PIAS1: variants seen among roughly 807,000 people sequenced by gnomAD.
The protein encoded by PIAS1 is E3 SUMO-protein ligase PIAS1.
A neutral mutation model predicts 71.3 loss-of-function variants in PIAS1; 6 were observed. That is an observed-to-expected ratio of 0.08 (90% CI 0.05 to 0.17). The LOEUF (loss-of-function observed/expected upper bound fraction) is 0.17. Ranked by LOEUF, PIAS1 falls within the 10% of genes least tolerant of loss-of-function variation. PIAS1 has a pLI of 1.00. For missense variants in PIAS1, 555 were observed against 793.6 expected, an observed-to-expected ratio of 0.70 and a Z score of 3.61; for synonymous variants, 303 against 292.9, an observed-to-expected ratio of 1.03 and a Z score of -0.35.
At chr15:68,103,281 T>TG (rs1263417759) in intron 2 of PIAS1, among the ~76,000 whole-genome samples, 3 of 151,918 alleles carry the variant, frequency 2.0e-5, no homozygotes, top group African/African-American at 7.3e-5. Context: ...ATATTTTTTT[T>TG]TCTGTGTTTA....
chr15:68,070,736 T>TTCAAC (rs1442857241), intron 1 of PIAS1, among the ~76,000 whole-genome samples: 1 of 151,578 alleles, frequency 6.6e-6, no homozygotes, highest in Non-Finnish European at 1.5e-5. Flanking sequence ...GAAATAATAT[T>TTCAAC]TTGTTTATTG....
chr15:68,113,072 C>CT (rs1296359763), intron 2 of PIAS1, among the ~76,000 whole-genome samples: 2 of 152,040 alleles, frequency 1.3e-5, no homozygotes, highest in Non-Finnish European at 2.9e-5. Context: ...TTATTTTAAA[C>CT]TTTTTTCACA....
At chr15:68,065,805 A>T (rs2140958795) in intron 1 of PIAS1, among the ~76,000 whole-genome samples, 1 of 126,514 alleles carries the variant, frequency 7.9e-6, no homozygotes, top group East Asian at 2.3e-4. Context: ...CAGTGGTATG[A>T]TCATGGCTCA....
chr15:68,164,616 T>C, intron 7 of PIAS1, 115 bp from the exon 8 acceptor site: 1 of 520,342 alleles, frequency 1.9e-6, no homozygotes. Flanking sequence ...TTCAATTGAT[T>C]GGGAAATAAT....
chr15:68,177,278 C>CAAAA lies in PIAS1; in HGVS notation c.1481+640_1481+643dup, dbSNP rs3083984. ...TGGGCAACAGAGCGAGACTTTGTCTCAAAAAAAAAAAAAAAAAAAGAAAGA... is the reference window on the plus strand; with the variant it reads ...TGGGCAACAGAGCGAGACTTTGTCTCAAAAAAAAAAAAAAAAAAAAAAAGAAAGA... On this transcript the variant is annotated intron_variant, in intron 11 of 13. Coordinates refer to ENST00000249636, the MANE Select transcript of PIAS1 (RefSeq NM_016166.3). 2.5e-3 allele frequency among the ~76,000 whole-genome samples: 228 copies of CAAAA among 90,818 alleles called. 5 individuals are homozygous for CAAAA. Among genetic ancestry groups the CAAAA allele is most frequent in the African/African-American group, 8.4e-3 (200 of 23,710 alleles). The allele number at this position is 90,818 out of a possible 152,430, so 59.6% of individuals were successfully genotyped here. A position where few individuals can be genotyped will look rare whatever the true frequency, so the allele number is the denominator to read the frequency against.
intron 6 of PIAS1, among the ~76,000 whole-genome samples, chr15:68,150,684 A>G (rs1454438527): frequency 6.6e-6 from 1 of 152,158 alleles, no homozygotes; most frequent in Non-Finnish European, 1.5e-5. Flanking sequence ...TTAAACTCTC[A>G]TTATTTGTAG....
At chr15:68,111,619 A>G (rs2092524193) in intron 2 of PIAS1, among the ~76,000 whole-genome samples, 1 of 152,196 alleles carries the variant, frequency 6.6e-6, no homozygotes, top group Non-Finnish European at 1.5e-5. Flanking sequence ...TAAAAATGAA[A>G]TAGTATCAGA....
At position 68,186,662 on chromosome 15, in the gene PIAS1, G is replaced by C. The variant is rs188056609; in HGVS notation, c.1663-880G>C. 1.1e-4 allele frequency among the ~76,000 whole-genome samples: 16 copies of C among 152,286 alleles called. No homozygotes were observed. In the East Asian group the frequency reaches 2.9e-3, roughly 28 times the overall value. On this transcript the variant is annotated intron_variant, in intron 13 of 13. Transcript: ENST00000249636. This position sits in a 1 kb window ranked among gnomAD's most constrained non-coding sequence, Gnocchi z 4.4. ...CCCAGAGCAACTTCCAGTACTGCAG[G>C]CTCCATTCATGGTAAGTGCCCTATA...
intron 8 of PIAS1, among the ~76,000 whole-genome samples, chr15:68,170,269 G>A: frequency 6.6e-6 from 1 of 152,206 alleles, no homozygotes; most frequent in East Asian, 1.9e-4. Context: ...CATCATAGGT[G>A]TGCTTACACA....
chr15:68,072,612 T>TAC (rs1160656906), intron 1 of PIAS1, among the ~76,000 whole-genome samples: 1 of 152,132 alleles, frequency 6.6e-6, no homozygotes, highest in Non-Finnish European at 1.5e-5. Flanking sequence ...CCATCTGAAC[T>TAC]ACAGACTTCC....
chr15:68,187,788 A>G lies in PIAS1; in HGVS notation c.1909A>G (p.Thr637Ala). Reference sequence around the variant, plus strand: ...CGTCACAAACAGGAGCAGCACGGACACGGCATCCATCTTTGGCATCATACC... The same window carrying G: ...CGTCACAAACAGGAGCAGCACGGACGCGGCATCCATCTTTGGCATCATACC... ...HTVTNRSSTD[T>A]ASIFGIIPDI... is the part of the protein sequence containing the mutation. Residue 637 changes from threonine to alanine, a missense_variant, in exon 14 of 14, where the codon ACG becomes GCG. By Grantham distance (58) the Thr-to-Ala change is moderately conservative. This residue lies in a region of PIAS1 where 244 missense variants were observed against 307.5 expected (regional missense o/e 0.79). Coordinates refer to ENST00000249636, the MANE Select transcript of PIAS1 (RefSeq NM_016166.3). This position sits in a 1 kb window ranked among gnomAD's most constrained non-coding sequence, Gnocchi z 5.3. The G allele has an allele frequency of 6.2e-7, 1 of 1,613,966 alleles. No individual in the cohort carries two copies.
chr15:68,148,497 C>T (rs1165918052), intron 6 of PIAS1, among the ~76,000 whole-genome samples: 2 of 152,052 alleles, frequency 1.3e-5, no homozygotes, highest in Admixed American at 6.5e-5. Flanking sequence ...GGCACAATCT[C>T]GGCTCATTGT....
chr15:68,056,610 A>G (rs953371932), intron 1 of PIAS1, among the ~76,000 whole-genome samples: 1 of 151,726 alleles, frequency 6.6e-6, no homozygotes, highest in Non-Finnish European at 1.5e-5. Flanking sequence ...TGTGTCTGAG[A>G]CTTTGAGGAG....
At position 68,187,607 on chromosome 15, in the gene PIAS1, C is replaced by G. The variant is rs779324980; in HGVS notation, c.1728C>G (p.His576Gln). ...AAVSDDQDLL[H>Q]SSRFFPYTSS... ...TTTCAGATGATCAAGACCTCCTACA[C>G]TCGTCTCGGTTTTTCCCGTATACCT... Residue 576 changes from histidine to glutamine, a missense_variant, in exon 14 of 14, where the codon CAC becomes CAG. Physicochemically the swap from His to Gln is conservative, Grantham distance 24 (BLOSUM62 0). Transcript: ENST00000249636. This position sits in a 1 kb window ranked among gnomAD's most constrained non-coding sequence, Gnocchi z 5.3. The G allele has an allele frequency of 2.0e-5, 33 of 1,613,860 alleles. No homozygotes were observed. The highest frequency in any genetic ancestry group is 3.4e-6 in the Non-Finnish European group (4 of 1,179,862).
chr15:68,107,088 C>T (rs143489062), intron 2 of PIAS1, among the ~76,000 whole-genome samples: 34 of 152,246 alleles, frequency 2.2e-4, no homozygotes, highest in Non-Finnish European at 2.9e-4. Context: ...TTTGTTTAAG[C>T]ATTTTTCTGG....
At chr15:68,132,983 C>CTTT (rs893517412) in intron 2 of PIAS1, among the ~76,000 whole-genome samples, 1 of 143,038 alleles carries the variant, frequency 7.0e-6, no homozygotes. Flanking sequence ...CTTTTCTTTT[C>CTTT]TTTTTTTTTT....
At chr15:68,157,356 T>C (rs2092897714) in intron 7 of PIAS1, among the ~76,000 whole-genome samples, 1 of 152,198 alleles carries the variant, frequency 6.6e-6, no homozygotes, top group Non-Finnish European at 1.5e-5. Context: ...TTTTAAAAAA[T>C]AGGAAAACAA....
chr15:68,176,711 G>A, intron 11 of PIAS1, 57 bp downstream of exon 11: 2 of 1,172,406 alleles, frequency 1.7e-6, no homozygotes, highest in Non-Finnish European at 2.4e-6. Context: ...TTGGCAAATA[G>A]GGATTAAAGA....
In PIAS1 at chr15:68,148,030, A is replaced by G. The variant is rs557870311; in HGVS notation, c.828+1330A>G. Among the ~76,000 whole-genome samples the G allele has an allele frequency of 1.5e-3, 226 of 152,320 alleles. 4 individuals carry two copies. Among genetic ancestry groups the G allele is most frequent in the African/African-American group, 5.2e-3 (215 of 41,584 alleles). On this transcript the variant is annotated intron_variant, in intron 6 of 13. Transcript: ENST00000249636. ...TGGCAGTACCATAGGGAGGGAAAAA[A>G]GTTCATTTTCATGAGGCCTGTGATG...
Sources: gnomAD v4.1 joint callset for allele counts (sites outside exome capture counted in the v4.1 genomes callset) on GRCh38, gnomAD v4.1.1 for gene constraint, gnomAD v4.1.1 regional missense constraint, Gnocchi (gnomAD v3.1) non-coding constraint, MANE v1.5 for transcripts, NCBI Gene and HGNC (gene_info 2026-07-23, HGNC 2026-07-21) for gene names.